The following C6orf118 variants were observed in gnomAD, a reference collection of about 807,000 sequenced individuals.
The protein encoded by C6orf118 is uncharacterized protein C6orf118.
C6orf118 carries 50 observed loss-of-function variants against 50.2 expected under a neutral mutation model. That is an observed-to-expected ratio of 1.00 (90% CI 0.79 to 1.26). The LOEUF is 1.26. Ranked by LOEUF, C6orf118 falls within the 50% of genes most tolerant of loss-of-function variation. The pLI is 0.00. For missense variants in C6orf118, 641 were observed against 578.7 expected, an observed-to-expected ratio of 1.11 and a Z score of -1.10; for synonymous variants, 239 against 230.9, an observed-to-expected ratio of 1.03 and a Z score of -0.32.
At chr6:165,296,292 T>G (rs1780307358) in intron 5 of C6orf118, among the ~76,000 whole-genome samples, 1 of 136,592 alleles carries the variant, frequency 7.3e-6, no homozygotes. Flanking sequence ...TGGCATTCAC[T>G]TTGAACAGAA....
Position 165,290,980 on chromosome 6 carries a change from A to C in C6orf118, c.1121-913T>G, listed in dbSNP as rs1780086064. ...ATGGATGGCAGCAGCCAAAGAGAGA[A>C]TGAGAAATACGCAAAAGGGGAAACC... On this transcript the variant is annotated intron_variant, in intron 6 of 8. Transcript: ENST00000230301. Among the ~76,000 whole-genome samples the C allele has an allele frequency of 1.3e-5, 2 of 152,194 alleles. 1 individual carries two copies. Among genetic ancestry groups the C allele is most frequent in the Admixed American group, 1.3e-4 (2 of 15,284 alleles).
rs767094939 is a variant in C6orf118, at chr6:165,302,060, C to A, written c.262G>T (p.Gly88Trp). Residue 88 changes from glycine (G) to tryptophan (W), a missense_variant, in exon 2 of 9, where the codon GGG becomes TGG. Physicochemically the swap from Gly to Trp is radical, Grantham distance 184. Transcript: ENST00000230301. ...QHWPNAHRPK[G>W]ERASEVGEPP... ...TCTCCCACCTCAGAGGCGCGCTCCC[C>A]CTTGGGCCGGTGGGCATTGGGCCAG... The A allele has an allele frequency of 1.2e-6, 2 of 1,613,904 alleles. No individual in the cohort carries two copies. Among genetic ancestry groups the A allele is most frequent in the Admixed American group, 3.3e-5 (2 of 60,016 alleles).
rs1301815377 is a variant in C6orf118, at chr6:165,280,121, A to G, written c.1357-11T>C. On this transcript the variant is annotated splice_polypyrimidine_tract_variant and intron_variant, in intron 8 of 8. Coordinates refer to ENST00000230301, the MANE Select transcript of C6orf118 (RefSeq NM_144980.4). Reference sequence around the variant, plus strand: ...AATTTCCAAAGGCCCCTTAAAATACATAAGAAATGAATACCATAGGTTAGA... The same window carrying G: ...AATTTCCAAAGGCCCCTTAAAATACGTAAGAAATGAATACCATAGGTTAGA... 6.4e-7 allele frequency: 1 copy of G among 1,571,876 alleles called. No individual in the cohort carries two copies.
chr6:165,302,077 T>A lies in C6orf118; in HGVS notation c.245A>T (p.Asn82Ile), dbSNP rs765858295. ...GCGCTCCCCCTTGGGCCGGTGGGCA[T>A]TGGGCCAGTGCTGTAAGATCGTCTC... ...PPETILQHWP[N>I]AHRPKGERAS... The change falls in exon 2 of 9, where the codon AAT becomes ATT. Residue 82 changes from asparagine to isoleucine, a missense_variant. Transcript: ENST00000230301. 6.2e-7 allele frequency: 1 copy of A among 1,613,790 alleles called. No individual in the cohort carries two copies. The highest frequency in any genetic ancestry group is 8.5e-7 in the Non-Finnish European group (1 of 1,179,992).
At chr6:165,307,353 G>A (rs897299430) in intron 1 of C6orf118, among the ~76,000 whole-genome samples, 3 of 151,960 alleles carry the variant, frequency 2.0e-5, no homozygotes, top group Non-Finnish European at 4.4e-5. Context: ...GCAATCAGGA[G>A]TTCGAGACCA....
intron 1 of C6orf118, 81 bp downstream of exon 1, chr6:165,309,481 C>A: frequency 6.6e-7 from 1 of 1,522,046 alleles, no homozygotes; most frequent in South Asian, 1.1e-5. Flanking sequence ...CATTTCAAAT[C>A]AGTCTTCAGA....
chr6:165,293,201 T>C (rs1015925312), intron 6 of C6orf118: 3 of 527,698 alleles, frequency 5.7e-6, no homozygotes, highest in South Asian at 3.0e-5. Flanking sequence ...CATGTAATAA[T>C]GAAAAGATGA....
rs765234964 is a variant in C6orf118, at chr6:165,298,018, C to T, written c.1020G>A (p.Met340Ile). ...DMDLAREELR[M>I]LVTATKAALE... ...GGGCTGCTTTTGTGGCTGTCACGAGCATCCTCAGCTCTTCCCTGGCGAGAT... is the reference window on the plus strand; with the variant it reads ...GGGCTGCTTTTGTGGCTGTCACGAGTATCCTCAGCTCTTCCCTGGCGAGAT... Residue 340 changes from methionine (M) to isoleucine (I), a missense_variant, in exon 5 of 9, where the codon ATG becomes ATA. By Grantham distance (10) the Met-to-Ile change is conservative. Transcript: ENST00000230301. 2.5e-6 allele frequency: 4 copies of T among 1,613,862 alleles called. No individual in the cohort carries two copies. The highest frequency in any genetic ancestry group is 1.3e-5 in the African/African-American group (1 of 74,932).
At chr6:165,285,762 G>A (rs1385252376) in intron 7 of C6orf118, among the ~76,000 whole-genome samples, 1 of 152,000 alleles carries the variant, frequency 6.6e-6, no homozygotes, top group Non-Finnish European at 1.5e-5. Context: ...GAATCTCTGG[G>A]ATGCAGCTGA....
At chr6:165,296,537 T>A (rs1780317728) in intron 5 of C6orf118, among the ~76,000 whole-genome samples, 1 of 152,100 alleles carries the variant, frequency 6.6e-6, no homozygotes, top group Non-Finnish European at 1.5e-5. Context: ...GAAAGCACTC[T>A]CCATCACAGT....
At chr6:165,280,684 A>G (rs1295932726) in intron 8 of C6orf118, among the ~76,000 whole-genome samples, 1 of 152,186 alleles carries the variant, frequency 6.6e-6, no homozygotes, top group Non-Finnish European at 1.5e-5. Flanking sequence ...CCTGAATAAA[A>G]TGGAAAGCCT....
rs199710080 is a variant in C6orf118 at position 165,301,853 on chromosome 6, C to T, written c.469G>A (p.Glu157Lys). The T allele has an allele frequency of 1.5e-5, 25 of 1,613,890 alleles. No homozygotes were observed. In the East Asian group the frequency reaches 5.4e-4, roughly 35 times the overall value. The part of the protein sequence containing the change: ...LPVEAVREGK[E>K]EKKGGPPGRG... ...CCAGGAGGGCCTCCTTTCTTTTCTT[C>T]CTTCCCCTCTCTGACAGCCTCCACT... Residue 157 changes from glutamate to lysine, a missense_variant, in exon 2 of 9, where the codon GAA becomes AAA. Transcript: ENST00000230301.
intron 1 of C6orf118, among the ~76,000 whole-genome samples, chr6:165,308,572 C>G (rs1356829678): frequency 3.3e-5 from 5 of 152,170 alleles, no homozygotes. Flanking sequence ...ACCCTCGAGT[C>G]CAGCCTGGTG....
intron 1 of C6orf118, among the ~76,000 whole-genome samples, chr6:165,309,322 C>T (rs1780857528): frequency 6.6e-6 from 1 of 152,256 alleles, no homozygotes; most frequent in Non-Finnish European, 1.5e-5. Flanking sequence ...TCCACACTCG[C>T]TGGCTCCCAC....
intron 5 of C6orf118, among the ~76,000 whole-genome samples, chr6:165,295,483 C>A (rs1008179121): frequency 2.6e-5 from 4 of 152,126 alleles, no homozygotes; most frequent in African/African-American, 9.7e-5. Context: ...TTTGGATTCT[C>A]ATTTTCTGTT....
chr6:165,298,819 C>A (rs1780408423), intron 4 of C6orf118, among the ~76,000 whole-genome samples: 1 of 152,216 alleles, frequency 6.6e-6, no homozygotes, highest in Non-Finnish European at 1.5e-5. Flanking sequence ...CCTTGCAATG[C>A]TGTGATCTTT....
chr6:165,300,984 G>A (rs962989790), intron 2 of C6orf118, among the ~76,000 whole-genome samples: 1 of 150,520 alleles, frequency 6.6e-6, no homozygotes, highest in Non-Finnish European at 1.5e-5. Context: ...CTGCCCTCAC[G>A]GTTCTTCCAC....
rs1232439706 is a variant in C6orf118 at position 165,302,026 on chromosome 6, G to T, written c.296C>A (p.Ala99Glu). ...ERASEVGEPPAGKVARMKEAL... is the reference protein window; with the variant it reads ...ERASEVGEPPEGKVARMKEAL... Reference sequence around the variant, plus strand: ...CTCCTTCATCCTCGCCACCTTCCCTGCGGGCGGCTCTCCCACCTCAGAGGC... The same window carrying T: ...CTCCTTCATCCTCGCCACCTTCCCTTCGGGCGGCTCTCCCACCTCAGAGGC... The change falls in exon 2 of 9, where the codon GCA becomes GAA. Residue 99 changes from alanine to glutamate, a missense_variant. By Grantham distance (107) the Ala-to-Glu change is moderately radical. Transcript: ENST00000230301. 6.2e-7 allele frequency: 1 copy of T among 1,613,522 alleles called. No individual in the cohort carries two copies. The highest frequency in any genetic ancestry group is 2.2e-5 in the East Asian group (1 of 44,850).
intron 7 of C6orf118, 40 bp downstream of exon 7, chr6:165,289,846 A>C: frequency 7.1e-7 from 1 of 1,415,678 alleles, no homozygotes; most frequent in Non-Finnish European, 9.5e-7. Flanking sequence ...GTCTTCAAGC[A>C]AAAGAATAAT....
Sources: allele counts gnomAD v4.1 joint callset (sites outside exome capture counted in the v4.1 genomes callset), GRCh38; gene constraint gnomAD v4.1.1; transcripts MANE v1.5; gene names NCBI Gene and HGNC (gene_info 2026-07-23, HGNC 2026-07-21).